SEPHS1: variants seen among roughly 807,000 people sequenced by gnomAD.
SEPHS1 encodes the protein zincore component SEPHS1.
Under a neutral mutation model 39.2 loss-of-function variants are expected in SEPHS1, and 7 were observed. The observed-to-expected ratio is 0.18, with a 90% confidence interval of 0.10 to 0.34. SEPHS1 has a LOEUF of 0.34. SEPHS1 is among the 10% of genes least tolerant of loss of function. The pLI is 1.00. For missense variants in SEPHS1, 253 were observed against 514.5 expected (o/e 0.49, Z 4.92); for synonymous variants, 190 against 195.5 (o/e 0.97, Z 0.23).
At chr10:13,346,091 T>C (rs2130704825) in intron 1 of SEPHS1, among the ~76,000 whole-genome samples, 1 of 152,302 alleles carries the variant, frequency 6.6e-6, no homozygotes, top group African/African-American at 2.4e-5. Flanking sequence ...TGACAAAATA[T>C]GCTACTCCTC....
At chr10:13,330,390 T>C (rs2027167) in intron 5 of SEPHS1, among the ~76,000 whole-genome samples, 97,403 of 151,972 alleles carry the variant, frequency 0.64, 31,535 homozygotes, top group East Asian at 0.77. Flanking sequence ...TCAGACTGAC[T>C]GATGGTGAGT....
At chr10:13,347,730 G>GCCCTC (rs1833970152) in intron 1 of SEPHS1, among the ~76,000 whole-genome samples, 1 of 145,338 alleles carries the variant, frequency 6.9e-6, no homozygotes, top group Non-Finnish European at 1.5e-5. Flanking sequence ...GGCCGCCGCC[G>GCCCTC]CCCTCCCCTC....
chr10:13,344,721 G>A, intron 2 of SEPHS1, 37 bp downstream of exon 2: 1 of 1,352,462 alleles, frequency 7.4e-7, no homozygotes, highest in East Asian at 2.7e-5. Flanking sequence ...CTCACTGATT[G>A]GATCGCAGAC....
intron 2 of SEPHS1, chr10:13,340,706 C>T (rs947770213): frequency 6.6e-6 from 1 of 152,206 alleles, no homozygotes; most frequent in Non-Finnish European, 1.5e-5. Context: ...ATTTGTAAAG[C>T]GCTTTATTTC....
intron 8 of SEPHS1, among the ~76,000 whole-genome samples, chr10:13,321,154 C>T (rs977960628): frequency 6.6e-6 from 1 of 152,304 alleles, no homozygotes; most frequent in Middle Eastern, 3.4e-3. Context: ...CGGCCTACTA[C>T]GGAATCTCCC....
At chr10:13,339,357 A>T (rs959500440) in intron 2 of SEPHS1, among the ~76,000 whole-genome samples, 2 of 152,146 alleles carry the variant, frequency 1.3e-5, no homozygotes, top group African/African-American at 2.4e-5. Flanking sequence ...ATCCCAATCT[A>T]CAATTCAATG....
chr10:13,325,508 T>C (rs185185287), intron 7 of SEPHS1, among the ~76,000 whole-genome samples: 49 of 152,318 alleles, frequency 3.2e-4, no homozygotes, highest in African/African-American at 1.2e-3. Context: ...TCCTGCTGCC[T>C]CATGAAGAAC....
rs183479113 is a variant in SEPHS1, at chr10:13,330,027, C to T, written c.561-239G>A. On this transcript the variant is annotated intron_variant, in intron 5 of 8. Transcript: ENST00000327347. ...GTGGCTCATTTCTGTAACCCCAGCA[C>T]TTTGAGAGGTCAAGAGGGGAGGATC... is the stretch of plus-strand genomic sequence containing the variant. 1.5e-3 allele frequency among the ~76,000 whole-genome samples: 223 copies of T among 152,296 alleles called. 1 individual carries two copies. The highest frequency in any genetic ancestry group is 5.1e-3 in the African/African-American group (210 of 41,556).
At chr10:13,327,317 AAAG>A (rs1219128827) in intron 7 of SEPHS1, among the ~76,000 whole-genome samples, 1 of 151,876 alleles carries the variant, frequency 6.6e-6, no homozygotes, top group Non-Finnish European at 1.5e-5. Context: ...CAAAACAACA[AAAG>A]CAGGCACTCC....
Position 13,328,465 on chromosome 10 carries a change from G to A in SEPHS1, c.652-15C>T, listed in dbSNP as rs372122120. The stretch of plus-strand genomic sequence containing the variant: ...CATTTCTCAGGCTGATAATAGAAAT[G>A]TAGGTGAGGGAGAGAAAGAGAGGAA... On this transcript the variant is annotated splice_polypyrimidine_tract_variant and intron_variant, in intron 6 of 8. Coordinates refer to ENST00000327347, the MANE Select transcript of SEPHS1 (RefSeq NM_012247.5). 5 of 1,531,076 alleles carry A rather than the reference G, an allele frequency of 3.3e-6. No homozygotes were observed. In the African/African-American group the frequency reaches 4.1e-5, roughly 13 times the overall value. The allele number at this position is 1,531,076 out of a possible 1,614,324, so 94.8% of individuals were successfully genotyped here.
At chr10:13,333,651 G>C (rs955563736) in intron 5 of SEPHS1, among the ~76,000 whole-genome samples, 166 bp downstream of exon 5, 2 of 152,144 alleles carry the variant, frequency 1.3e-5, no homozygotes, top group Non-Finnish European at 2.9e-5. Context: ...ACATTGGCCA[G>C]GCTGGTCTCA....
chr10:13,327,841 G>A (rs1200456789), intron 7 of SEPHS1, among the ~76,000 whole-genome samples: 1 of 152,162 alleles, frequency 6.6e-6, no homozygotes, highest in African/African-American at 2.4e-5. Flanking sequence ...AGGAACAATG[G>A]TGAACAAAAC....
intron 2 of SEPHS1, 174 bp from the exon 3 acceptor site, chr10:13,338,982 T>C: frequency 1.6e-6 from 1 of 614,552 alleles, no homozygotes; most frequent in Non-Finnish European, 2.9e-6. Context: ...GTGAAACATA[T>C]CCAGCTTAGG....
chr10:13,323,881 G>A lies in SEPHS1; in HGVS notation c.752-834C>T, dbSNP rs1833184223. ...CAAAGCGCTGGGATCACAAGTGTGA[G>A]CCACTGCTCAATAATATTCCATACT... is the stretch of plus-strand genomic sequence containing the variant. On this transcript the variant is annotated intron_variant, in intron 7 of 8. Coordinates refer to ENST00000327347, the MANE Select transcript of SEPHS1 (RefSeq NM_012247.5). 2.0e-5 allele frequency among the ~76,000 whole-genome samples: 3 copies of A among 152,052 alleles called. No individual in the cohort carries two copies. The South Asian group carries it at 6.2e-4, about 31-fold the overall frequency.
In SEPHS1 at chr10:13,326,346, C is replaced by T. The variant is rs55961217; in HGVS notation, c.751+2005G>A. Among the ~76,000 whole-genome samples, 1,212 of 152,008 alleles carry T rather than the reference C, an allele frequency of 8.0e-3. 10 individuals carry two copies. The highest frequency in any genetic ancestry group is 0.014 in the Non-Finnish European group (955 of 67,964). On this transcript the variant is annotated intron_variant, in intron 7 of 8. Coordinates refer to ENST00000327347, the MANE Select transcript of SEPHS1 (RefSeq NM_012247.5). ...AAAATTAGCCAGGCGTGGTGGCGGG[C>T]GCCTATAATCCCAGCTACTTGGGAG... is the stretch of plus-strand genomic sequence containing the variant.
intron 8 of SEPHS1, 50 bp from the exon 9 acceptor site, chr10:13,319,406 T>C: frequency 1.3e-6 from 2 of 1,578,334 alleles, no homozygotes; most frequent in Non-Finnish European, 1.7e-6. Context: ...GACAGCAGCT[T>C]CTCTGCCTCT....
intron 1 of SEPHS1, among the ~76,000 whole-genome samples, chr10:13,347,543 C>G (rs1833962461): frequency 6.8e-6 from 1 of 146,384 alleles, no homozygotes; most frequent in South Asian, 2.1e-4. Context: ...GCCCAGGAGC[C>G]GGGGAGGACG....
chr10:13,337,960 A>C (rs1206457211), intron 3 of SEPHS1, among the ~76,000 whole-genome samples: 1 of 152,328 alleles, frequency 6.6e-6, no homozygotes, highest in Admixed American at 6.5e-5. Flanking sequence ...CCACACACGA[A>C]GAACACCTGG....
In SEPHS1 at chr10:13,348,129, G is replaced by C. The variant is rs1218844701; in HGVS notation, c.-208C>G. 2.8e-5 allele frequency: 4 copies of C among 145,248 alleles called. No individual in the cohort carries two copies. The highest frequency in any genetic ancestry group is 4.6e-5 in the Non-Finnish European group (3 of 65,470). The allele number at this position is 145,248 out of a possible 1,614,324, so 9.0% of individuals were successfully genotyped here. ...TGCCGCGCCCGGCGGCGGCGGCGGC[G>C]GCGGGGGCCCGGGCCCGCGCCTGGG... On this transcript the variant is annotated 5_prime_UTR_variant, in exon 1 of 9. Coordinates refer to ENST00000327347, the MANE Select transcript of SEPHS1 (RefSeq NM_012247.5).
Sources: allele counts gnomAD v4.1 joint callset (sites outside exome capture counted in the v4.1 genomes callset), GRCh38; gene constraint gnomAD v4.1.1; transcripts MANE v1.5; gene names NCBI Gene and HGNC (gene_info 2026-07-23, HGNC 2026-07-21).